Variants in ZNF214 observed in about 807,000 individuals in gnomAD.
The protein encoded by ZNF214 is zinc finger protein 214.
ZNF214 carries 43 observed loss-of-function variants against 53.9 expected under a neutral mutation model. The ratio of observed to expected loss-of-function variants is 0.80; its 90% CI spans 0.63 to 1.03. The LOEUF (loss-of-function observed/expected upper bound fraction) is 1.03, where lower values mean the gene tolerates loss of function less well. Ranked by LOEUF, ZNF214 falls within the 50% of genes least tolerant of loss-of-function variation. The probability of loss-of-function intolerance (pLI) is 0.00; values close to 1 mark genes in which losing one functional copy is unlikely to be tolerated. For missense variants in ZNF214, 724 were observed against 719.1 expected, an observed-to-expected ratio of 1.01 and a Z score of -0.08; for synonymous variants, 217 against 229.5, an observed-to-expected ratio of 0.95 and a Z score of 0.49.
chr11:7,015,198 A>G (rs1019312048), intron 1 of ZNF214, among the ~76,000 whole-genome samples: 2 of 151,440 alleles, frequency 1.3e-5, no homozygotes, highest in Non-Finnish European at 2.9e-5. Context: ...AATTTATAAT[A>G]GCAATAAGAA....
At chr11:7,012,438 A>G (rs2133409579) in intron 1 of ZNF214, among the ~76,000 whole-genome samples, 1 of 152,282 alleles carries the variant, frequency 6.6e-6, no homozygotes, top group Non-Finnish European at 1.5e-5. Flanking sequence ...ATGAAAAAAG[A>G]TGGAATTAAT....
chr11:7,006,124 G>C (rs1851465095), intron 1 of ZNF214, among the ~76,000 whole-genome samples: 1 of 152,026 alleles, frequency 6.6e-6, no homozygotes, highest in Non-Finnish European at 1.5e-5. Flanking sequence ...TCTCATCTCA[G>C]ACTAGTAGGA....
rs768290255 is a variant in ZNF214, at chr11:7,000,177, C to G, written c.1506G>C (p.Glu502Asp). 10 of 1,613,144 alleles carry G rather than the reference C, an allele frequency of 6.2e-6. No homozygotes were observed. Among genetic ancestry groups the G allele is most frequent in the South Asian group, 5.5e-5 (5 of 91,032 alleles). ...AACGCTGACTGAATCCCTTGCCACACTCTTCACATTTGTAGGGTTTCTCTC... is the reference window on the plus strand; with the variant it reads ...AACGCTGACTGAATCCCTTGCCACAGTCTTCACATTTGTAGGGTTTCTCTC... ...HTGEKPYKCE[E>D]CGKGFSQRSH... The change falls in exon 3 of 3, where the codon GAG (glutamate) becomes GAC (aspartate). Residue 502 changes from glutamate (E) to aspartate (D), a missense_variant. By Grantham distance (45) the Glu-to-Asp change is conservative. Coordinates refer to ENST00000278314, the MANE Select transcript of ZNF214 (RefSeq NM_013249.4).
chr11:7,019,610 C>T (rs1456362995), intron 1 of ZNF214: 1 of 152,214 alleles, frequency 6.6e-6, no homozygotes, highest in Non-Finnish European at 1.5e-5. Context: ...AAAGTCTCAA[C>T]TGTGCCATCA....
rs751958427 is a variant in ZNF214, at chr11:7,001,196, GA to G, written c.486del (p.Gln163LysfsTer23). 1 of 1,613,194 alleles carries G rather than the reference GA, an allele frequency of 6.2e-7. No homozygotes were observed. Among genetic ancestry groups the G allele is most frequent in the South Asian group, 1.1e-5 (1 of 91,040 alleles). The part of the protein sequence containing the change: ...REIYMSGSHG[F>X]QGGRYRLGIS... ...ATGCCAAGACGGTATCTGCCCCCTT[GA>G]AAACCATGTGAACCACTCATGTAGA... On this transcript the variant is annotated frameshift_variant, in exon 3 of 3. Coordinates refer to ENST00000278314, the MANE Select transcript of ZNF214 (RefSeq NM_013249.4). LOFTEE classifies it high-confidence loss of function.
chr11:7,005,867 A>T (rs1851460862), intron 1 of ZNF214, among the ~76,000 whole-genome samples: 1 of 152,012 alleles, frequency 6.6e-6, no homozygotes, highest in Non-Finnish European at 1.5e-5. Flanking sequence ...GCCATTACAA[A>T]TTTTCTGGTT....
chr11:7,000,653 A>T lies in ZNF214; in HGVS notation c.1030T>A (p.Leu344Ile). 1 of 1,598,720 alleles carries T rather than the reference A, an allele frequency of 6.3e-7. No homozygotes were observed. Among genetic ancestry groups the T allele is most frequent in the Non-Finnish European group, 8.5e-7 (1 of 1,174,856 alleles). Residue 344 changes from leucine (L) to isoleucine (I), a missense_variant, in exon 3 of 3, where the codon TTA (leucine) becomes ATA (isoleucine). Coordinates refer to ENST00000278314, the MANE Select transcript of ZNF214 (RefSeq NM_013249.4). ...ECDKDLSRNSLLHIHQRLHIG... is the reference protein window; with the variant it reads ...ECDKDLSRNSILHIHQRLHIG... Reference sequence around the variant, plus strand: ...TGAAGTCTCTGGTGAATGTGAAGTAATGAATTTCTACTGAGGTCTTTATCA... The same window carrying T: ...TGAAGTCTCTGGTGAATGTGAAGTATTGAATTTCTACTGAGGTCTTTATCA...
Position 6,998,537 on chromosome 11 carries a change from A to G in ZNF214, c.*1325T>C, listed in dbSNP as rs1417857695. Among the ~76,000 whole-genome samples the G allele has an allele frequency of 2.0e-5, 3 of 151,906 alleles. No individual in the cohort carries two copies. In the East Asian group the frequency reaches 5.8e-4, roughly 29 times the overall value. ...TTATCTATTAACTATCAATTATTTT[A>G]TATTCTTCAGTGTTACTTTTTATTG... is the stretch of plus-strand genomic sequence containing the variant. On this transcript the variant is annotated 3_prime_UTR_variant, in exon 3 of 3. Coordinates refer to ENST00000278314, the MANE Select transcript of ZNF214 (RefSeq NM_013249.4).
chr11:7,017,319 G>A (rs1851792598), intron 1 of ZNF214, among the ~76,000 whole-genome samples: 1 of 152,094 alleles, frequency 6.6e-6, no homozygotes. Flanking sequence ...TTTTTCAAAA[G>A]CCTAAAACAT....
chr11:7,006,977 TAAAAC>T (rs1467765409), intron 1 of ZNF214, among the ~76,000 whole-genome samples: 27 of 151,814 alleles, frequency 1.8e-4, no homozygotes, highest in African/African-American at 6.3e-4. Context: ...ATTGTTATCA[TAAAAC>T]AAAACTAACA....
Position 7,000,685 on chromosome 11 carries a change from A to T in ZNF214, c.998T>A (p.Ile333Asn), listed in dbSNP as rs199641200. 6.9e-6 allele frequency: 11 copies of T among 1,601,972 alleles called. No homozygotes were observed. The highest frequency in any genetic ancestry group is 9.4e-6 in the Non-Finnish European group (11 of 1,176,226). The change falls in exon 3 of 3, where the codon ATT becomes AAT. Residue 333 changes from isoleucine to asparagine, a missense_variant. By Grantham distance (149) the Ile-to-Asn change is moderately radical. Coordinates refer to ENST00000278314, the MANE Select transcript of ZNF214 (RefSeq NM_013249.4). The stretch of plus-strand genomic sequence containing the variant: ...TCTACTGAGGTCTTTATCACACTCA[A>T]TTTTATAGAATTTCTCTTCTGTGTG... ...RVHTEEKFYKIECDKDLSRNS... is the reference protein window; with the variant it reads ...RVHTEEKFYKNECDKDLSRNS...
Position 7,000,049 on chromosome 11 carries a change from T to C in ZNF214, c.1634A>G (p.Gln545Arg), listed in dbSNP as rs766752399. 2 of 1,613,374 alleles carry C rather than the reference T, an allele frequency of 1.2e-6. No homozygotes were observed. Among genetic ancestry groups the C allele is most frequent in the South Asian group, 2.2e-5 (2 of 91,064 alleles). The stretch of plus-strand genomic sequence containing the variant: ...AGGCTTCTCTCCTGTATGGACCCTC[T>C]GATGAATGTGAAGATTAGAACTGTG... ...FSHSSNLHIH[Q>R]RVHTGEKPYQ... Residue 545 changes from glutamine (Q) to arginine (R), a missense_variant, in exon 3 of 3, where the codon CAG becomes CGG. Gln to Arg is a conservative substitution (Grantham distance 43). Transcript: ENST00000278314.
At chr11:7,008,520 C>T (rs539433356) in intron 1 of ZNF214, among the ~76,000 whole-genome samples, 19 of 102,544 alleles carry the variant, frequency 1.9e-4, no homozygotes, top group Admixed American at 1.1e-3. Context: ...ACCTTGAGAA[C>T]CAGAAAAAGA....
chr11:7,001,349 G>A lies in ZNF214; in HGVS notation c.334C>T (p.Gln112Ter), dbSNP rs575396648. ...QCQEWLILSTQVPGYGNYELT... is the reference protein window; with the variant it reads ...QCQEWLILST ...TCATAGTTCCCATACCCTGGTACTT[G>A]TGTGGAGAGTATTAACCATTCCTGA... The change falls in exon 3 of 3, where the codon CAA becomes TAA. Residue 112 changes from glutamine (Q) to a stop codon, truncating the protein, a stop_gained. Coordinates refer to ENST00000278314, the MANE Select transcript of ZNF214 (RefSeq NM_013249.4). LOFTEE classifies it high-confidence loss of function. 4 of 1,613,182 alleles carry A rather than the reference G, an allele frequency of 2.5e-6. No individual in the cohort carries two copies. The South Asian group carries it at 4.4e-5, about 18-fold the overall frequency.
chr11:7,014,876 T>C (rs2119463597), intron 1 of ZNF214, among the ~76,000 whole-genome samples: 1 of 150,828 alleles, frequency 6.6e-6, no homozygotes, highest in African/African-American at 2.4e-5. Context: ...ATCACGCTAC[T>C]GGACTCCAGG....
chr11:6,997,402 G>A lies in ZNF214; in HGVS notation c.*2460C>T, dbSNP rs1048551270. Among the ~76,000 whole-genome samples, 1 of 151,696 alleles carries A rather than the reference G, an allele frequency of 6.6e-6. No individual in the cohort carries two copies. Among genetic ancestry groups the A allele is most frequent in the East Asian group, 1.9e-4 (1 of 5,186 alleles). Reference sequence around the variant, plus strand: ...AACATTTTAAAATGAAGCATTGAACGTGTTTTGATACATTTGGCTTTAATC... The same window carrying A: ...AACATTTTAAAATGAAGCATTGAACATGTTTTGATACATTTGGCTTTAATC... On this transcript the variant is annotated 3_prime_UTR_variant, in exon 3 of 3. Coordinates refer to ENST00000278314, the MANE Select transcript of ZNF214 (RefSeq NM_013249.4).
chr11:7,015,608 C>A (rs1319856358), intron 1 of ZNF214, among the ~76,000 whole-genome samples: 3 of 151,482 alleles, frequency 2.0e-5, no homozygotes, highest in African/African-American at 7.3e-5. Flanking sequence ...ACAACAACAA[C>A]AAATAGGCTT....
At chr11:7,012,889 AT>A (rs898832364) in intron 1 of ZNF214, among the ~76,000 whole-genome samples, 1 of 151,480 alleles carries the variant, frequency 6.6e-6, no homozygotes, top group South Asian at 2.1e-4. Context: ...ACTATTTCTT[AT>A]TTTTTTTTCT....
intron 1 of ZNF214, among the ~76,000 whole-genome samples, chr11:7,007,554 T>C (rs934555256): frequency 2.0e-5 from 3 of 151,822 alleles, no homozygotes; most frequent in Admixed American, 6.6e-5. Flanking sequence ...AAATGTTTTT[T>C]ATATGAACAG....
Sources: gnomAD v4.1 joint callset for allele counts (sites outside exome capture counted in the v4.1 genomes callset) on GRCh38, gnomAD v4.1.1 for gene constraint, MANE v1.5 for transcripts, NCBI Gene and HGNC (gene_info 2026-07-23, HGNC 2026-07-21) for gene names.